Variants in UACA observed in about 807,000 individuals in gnomAD.
UACA encodes the protein nuclear membrane binding protein.
In UACA, 112 loss-of-function variants were observed where a neutral mutation model predicts 160.5. The observed-to-expected ratio is 0.70, with a 90% CI of 0.60 to 0.82. The LOEUF (loss-of-function observed/expected upper bound fraction) is 0.82. Ranked by LOEUF, UACA falls within the 40% of genes least tolerant of loss-of-function variation. The probability of loss-of-function intolerance (pLI) is 0.00; values close to 1 mark genes in which losing one functional copy is unlikely to be tolerated. For synonymous variants in UACA, 557 were observed against 568.4 expected (o/e 0.98, Z 0.29); for missense variants, 1,574 against 1,614.6 (o/e 0.97, Z 0.43).
At chr15:70,712,293 T>G (rs1254810789) in intron 1 of UACA, among the ~76,000 whole-genome samples, 2 of 152,036 alleles carry the variant, frequency 1.3e-5, no homozygotes, top group African/African-American at 4.8e-5. Flanking sequence ...CCTGCTGATT[T>G]TACCTCCCCA....
intron 1 of UACA, chr15:70,702,328 T>A: frequency 1.0e-6 from 1 of 991,862 alleles, no homozygotes; most frequent in African/African-American, 1.7e-5. Context: ...CACATCCGAA[T>A]TGTCCGGTAA....
rs1566963487 is a variant in UACA, at chr15:70,667,417, T to A, written c.3267A>T (p.Leu1089=). The stretch of plus-strand genomic sequence containing the variant: ...AAGTCTGTTTGGCATTTTCTTCTAC[T>A]AGCTTCTCTTTCACATTCTTTACTT... The part of the protein sequence containing the change: ...YTEVKNVKEK[L]VEENAKQTSE... The change falls in exon 16 of 19, where the codon CTA becomes CTT. Residue 1089 remains leucine, a synonymous_variant. Coordinates refer to ENST00000322954, the MANE Select transcript of UACA (RefSeq NM_018003.4). 6.2e-7 allele frequency: 1 copy of A among 1,610,872 alleles called. No individual in the cohort carries two copies. Among genetic ancestry groups the A allele is most frequent in the Non-Finnish European group, 8.5e-7 (1 of 1,179,786 alleles).
intron 1 of UACA, among the ~76,000 whole-genome samples, chr15:70,762,444 G>T (rs1194430959): frequency 6.6e-6 from 1 of 152,188 alleles, no homozygotes; most frequent in African/African-American, 2.4e-5. Flanking sequence ...TTATTTTAAT[G>T]ATATAGAATT....
At chr15:70,700,318 T>TAC (rs34361847) in intron 1 of UACA, among the ~76,000 whole-genome samples, 9,242 of 139,724 alleles carry the variant, frequency 0.066, 330 homozygotes, top group Middle Eastern at 0.075. Context: ...TATATATATA[T>TAC]ACACACACAC....
chr15:70,682,077 T>TGA (rs1897528100), intron 9 of UACA: 1 of 152,224 alleles, frequency 6.6e-6, no homozygotes, highest in Non-Finnish European at 1.5e-5. Flanking sequence ...CACTAGCTTT[T>TGA]GAGCCACGGT....
intron 1 of UACA, among the ~76,000 whole-genome samples, chr15:70,743,232 G>T (rs1899593304): frequency 6.6e-6 from 1 of 152,146 alleles, no homozygotes; most frequent in Admixed American, 6.5e-5. Context: ...CTTTGAGCCA[G>T]AGAAAACTTT....
chr15:70,671,125 C>CAAT (rs1897125566), intron 14 of UACA, 34 bp from the exon 15 acceptor site: 1 of 1,412,244 alleles, frequency 7.1e-7, no homozygotes, highest in Non-Finnish European at 9.9e-7. Context: ...ATTTTAACTT[C>CAAT]AATATCCATA....
chr15:70,703,284 G>C, intron 1 of UACA: 1 of 1,285,630 alleles, frequency 7.8e-7, no homozygotes. Flanking sequence ...TCATGGGAAT[G>C]CAAAACATTC....
chr15:70,752,534 C>T (rs991177059), intron 1 of UACA, among the ~76,000 whole-genome samples: 2 of 151,940 alleles, frequency 1.3e-5, no homozygotes, highest in Non-Finnish European at 2.9e-5. Flanking sequence ...TCCCCTCCCC[C>T]CCACCACTTA....
intron 3 of UACA, among the ~76,000 whole-genome samples, chr15:70,693,221 G>A (rs1898002021): frequency 6.6e-6 from 1 of 152,150 alleles, no homozygotes; most frequent in African/African-American, 2.4e-5. Flanking sequence ...ACATAAAAAT[G>A]TCAGATCAGG....
chr15:70,700,283 T>C (rs959633512), intron 1 of UACA, among the ~76,000 whole-genome samples: 2 of 118,934 alleles, frequency 1.7e-5, no homozygotes, highest in African/African-American at 8.1e-5. Flanking sequence ...GTTGGAAATA[T>C]ATTTATGGAG....
intron 1 of UACA, among the ~76,000 whole-genome samples, chr15:70,729,195 C>T (rs111240471): frequency 0.034 from 5,110 of 152,202 alleles, 310 homozygotes; most frequent in African/African-American, 0.12. Context: ...GGTATATACT[C>T]AAAGGAAAAT....
chr15:70,745,127 G>A (rs1483627612), intron 1 of UACA, among the ~76,000 whole-genome samples: 2 of 152,040 alleles, frequency 1.3e-5, no homozygotes, highest in Non-Finnish European at 2.9e-5. Context: ...CACTGCTGAA[G>A]GAAATAAGAG....
chr15:70,657,371 G>A (rs1054748963), intron 18 of UACA, among the ~76,000 whole-genome samples: 1 of 152,194 alleles, frequency 6.6e-6, no homozygotes, highest in African/African-American at 2.4e-5. Flanking sequence ...AGCACTTTGG[G>A]AGGCTGAGGT....
At position 70,667,488 on chromosome 15, in the gene UACA, C is replaced by A. The variant is rs1350690111; in HGVS notation, c.3196G>T (p.Asp1066Tyr). The change falls in exon 16 of 19, where the codon GAC becomes TAC. Residue 1066 changes from aspartate (D) to tyrosine (Y), a missense_variant. Asp to Tyr is a radical substitution (Grantham distance 160). Coordinates refer to ENST00000322954, the MANE Select transcript of UACA (RefSeq NM_018003.4). ...TCTTTTAACTGTTTGTTTAGCTCGT[C>A]TGTTTTTCTGCTTAATGCTCTTTCC... ...EMERALSRKT[D>Y]ELNKQLKDLS... is the part of the protein sequence containing the mutation. The A allele has an allele frequency of 2.5e-6, 4 of 1,611,434 alleles. No homozygotes were observed. In the South Asian group the frequency reaches 4.4e-5, roughly 18 times the overall value.
intron 1 of UACA, among the ~76,000 whole-genome samples, chr15:70,739,415 T>C (rs904811312): frequency 5.9e-5 from 9 of 152,020 alleles, no homozygotes; most frequent in African/African-American, 2.2e-4. Flanking sequence ...CAAATGTCTC[T>C]TAAGGAACAA....
rs1430033055 is a variant in UACA, at chr15:70,667,735, T to C, written c.2949A>G (p.Val983=). 6.2e-7 allele frequency: 1 copy of C among 1,614,102 alleles called. No individual in the cohort carries two copies. Among genetic ancestry groups the C allele is most frequent in the Non-Finnish European group, 8.5e-7 (1 of 1,179,984 alleles). Residue 983 remains valine (V), a synonymous_variant, in exon 16 of 19, where the codon GTA becomes GTG. Coordinates refer to ENST00000322954, the MANE Select transcript of UACA (RefSeq NM_018003.4). ...CAAAGCTGACAATTGGGGCGTATTTTACCTTAATGCATTCTTGTATTGTGT... is the reference window on the plus strand; with the variant it reads ...CAAAGCTGACAATTGGGGCGTATTTCACCTTAATGCATTCTTGTATTGTGT... ...ELDTIQECIK[V]KYAPIVSFEE...
chr15:70,667,302 T>C lies in UACA; in HGVS notation c.3382A>G (p.Ile1128Val), dbSNP rs1318917370. ...EALKKSLNGTIENLKEELKSM... is the reference protein window; with the variant it reads ...EALKKSLNGTVENLKEELKSM... Reference sequence around the variant, plus strand: ...TTCAGTTCTTCCTTTAGATTTTCAATTGTGCCATTAAGAGATTTTTTCAGA... The same window carrying C: ...TTCAGTTCTTCCTTTAGATTTTCAACTGTGCCATTAAGAGATTTTTTCAGA... Residue 1128 changes from isoleucine to valine, a missense_variant, in exon 16 of 19, where the codon ATT becomes GTT. By Grantham distance (29) the Ile-to-Val change is conservative. Coordinates refer to ENST00000322954, the MANE Select transcript of UACA (RefSeq NM_018003.4). 7.4e-6 allele frequency: 12 copies of C among 1,611,392 alleles called. No individual in the cohort carries two copies. Among genetic ancestry groups the C allele is most frequent in the Non-Finnish European group, 1.0e-5 (12 of 1,179,426 alleles).
chr15:70,723,746 C>A (rs1899062688), intron 1 of UACA, among the ~76,000 whole-genome samples: 1 of 151,970 alleles, frequency 6.6e-6, no homozygotes, highest in African/African-American at 2.4e-5. Flanking sequence ...CATTCTCCTG[C>A]CTCAGCCTCC....
Sources: allele counts gnomAD v4.1 joint callset (sites outside exome capture counted in the v4.1 genomes callset), GRCh38; gene constraint gnomAD v4.1.1; transcripts MANE v1.5; gene names NCBI Gene and HGNC (gene_info 2026-07-23, HGNC 2026-07-21).